The following CAMSAP2 variants were observed in gnomAD, a reference collection of about 807,000 sequenced individuals.
The protein encoded by CAMSAP2 is calmodulin-regulated spectrin-associated protein 2.
A neutral mutation model predicts 146.1 loss-of-function variants in CAMSAP2; 26 were observed. The observed-to-expected ratio is 0.18, with a 90% CI of 0.13 to 0.25. The LOEUF (loss-of-function observed/expected upper bound fraction) is 0.25. CAMSAP2 is among the 10% of genes least tolerant of loss of function. The probability of loss-of-function intolerance (pLI) is 1.00; values close to 1 mark genes in which losing one functional copy is unlikely to be tolerated. For synonymous variants in CAMSAP2, 499 were observed against 596.6 expected, an observed-to-expected ratio of 0.84 and a Z score of 2.38; for missense variants, 1,381 against 1,759.3, an observed-to-expected ratio of 0.78 and a Z score of 3.85.
Position 200,848,286 on chromosome 1 carries a change from C to A in CAMSAP2, c.1517C>A (p.Thr506Lys). 1 of 1,613,178 alleles carries A rather than the reference C, an allele frequency of 6.2e-7. No homozygotes were observed. Among genetic ancestry groups the A allele is most frequent in the Middle Eastern group, 1.7e-4 (1 of 6,054 alleles). ...SDLKSCVPLN[T>K]NELNSNENIH... ...CTCAAATCTTGTGTGCCCCTTAACA[C>A]AAATGAACTAAATTCTAATGAGAAT... is the stretch of plus-strand genomic sequence containing the variant. The change falls in exon 11 of 17, where the codon ACA becomes AAA. Residue 506 changes from threonine to lysine, a missense_variant. By Grantham distance (78) the Thr-to-Lys change is moderately conservative (BLOSUM62 -1). Coordinates refer to ENST00000358823, the MANE Select transcript of CAMSAP2 (RefSeq NM_203459.4).
Position 200,857,394 on chromosome 1 carries a change from A to G in CAMSAP2, c.4101A>G (p.Val1367=). ...ALAHCCLAGK[V]NEGQKKKILE... The stretch of plus-strand genomic sequence containing the variant: ...CTCATTGCTGTTTGGCTGGAAAAGT[A>G]AATGAAGGTCAGAAGAAAAAAATAC... Residue 1367 remains valine, a synonymous_variant, in exon 16 of 17, where the codon GTA becomes GTG. Coordinates refer to ENST00000358823, the MANE Select transcript of CAMSAP2 (RefSeq NM_203459.4). This position sits in a 1 kb window ranked among gnomAD's most constrained non-coding sequence, Gnocchi z 4.7. 10 of 1,613,370 alleles carry G rather than the reference A, an allele frequency of 6.2e-6. No individual in the cohort carries two copies. The highest frequency in any genetic ancestry group is 8.5e-6 in the Non-Finnish European group (10 of 1,179,416).
At chr1:200,852,977 A>G (rs927112276) in intron 12 of CAMSAP2, among the ~76,000 whole-genome samples, 2 of 148,716 alleles carry the variant, frequency 1.3e-5, no homozygotes, top group African/African-American at 5.0e-5. Context: ...TTTAAAAAAC[A>G]TTAAAATAAC....
chr1:200,822,695 C>G lies in CAMSAP2; in HGVS notation c.645+7051C>G, dbSNP rs535893831. Among the ~76,000 whole-genome samples, 141 of 152,300 alleles carry G rather than the reference C, an allele frequency of 9.3e-4. 2 individuals are homozygous for G. The highest frequency in any genetic ancestry group is 1.5e-3 in the Non-Finnish European group (105 of 68,028). ...CCTCAGAGGATATGTTCCAAGACCCCCAGTGCATACCTGAAACCTCAGATA... is the reference window on the plus strand; with the variant it reads ...CCTCAGAGGATATGTTCCAAGACCCGCAGTGCATACCTGAAACCTCAGATA... On this transcript the variant is annotated intron_variant, in intron 4 of 16. Transcript: ENST00000358823.
rs1667397084 is a variant in CAMSAP2 at position 200,844,070 on chromosome 1, A to G, written c.1022-712A>G. On this transcript the variant is annotated intron_variant, in intron 7 of 16. Coordinates refer to ENST00000358823, the MANE Select transcript of CAMSAP2 (RefSeq NM_203459.4). The stretch of plus-strand genomic sequence containing the variant: ...GTATTTTTAGTAGAGGTGGGGTTTC[A>G]CCATGTTAGCCAGGATGGTCTCAAT... 2.0e-5 allele frequency among the ~76,000 whole-genome samples: 3 copies of G among 151,686 alleles called. No individual in the cohort carries two copies. The South Asian group carries it at 6.3e-4, about 32-fold the overall frequency.
intron 2 of CAMSAP2, among the ~76,000 whole-genome samples, chr1:200,767,739 A>G (rs1406351094): frequency 6.6e-6 from 1 of 152,202 alleles, no homozygotes; most frequent in Non-Finnish European, 1.5e-5. Flanking sequence ...AATTAATTAC[A>G]TTCTCATAGA....
chr1:200,789,702 C>T (rs570604258), intron 2 of CAMSAP2, among the ~76,000 whole-genome samples: 3 of 152,232 alleles, frequency 2.0e-5, no homozygotes, highest in South Asian at 2.1e-4. Flanking sequence ...AAATAACTTG[C>T]TGGAATTTTT....
chr1:200,784,569 A>G (rs188456926), intron 2 of CAMSAP2, among the ~76,000 whole-genome samples: 3 of 152,364 alleles, frequency 2.0e-5, no homozygotes, highest in East Asian at 3.8e-4. Flanking sequence ...TTGCTAATAT[A>G]TAGAAATACA....
intron 2 of CAMSAP2, among the ~76,000 whole-genome samples, chr1:200,788,715 C>T (rs1446521566): frequency 6.7e-6 from 1 of 150,374 alleles, no homozygotes; most frequent in Non-Finnish European, 1.5e-5. Context: ...AATCTCGGCT[C>T]ATTGCAACCT....
chr1:200,850,007 A>T lies in CAMSAP2; in HGVS notation c.3238A>T (p.Thr1080Ser), dbSNP rs1667574252. Residue 1080 changes from threonine to serine, a missense_variant, in exon 11 of 17, where the codon ACT becomes TCT. By Grantham distance (58) the Thr-to-Ser change is moderately conservative. This residue lies in a region of CAMSAP2 where 560 missense variants were observed against 715.9 expected (regional missense o/e 0.78). Transcript: ENST00000358823. The part of the protein sequence containing the change: ...SEVLSLPVTE[T>S]VCLTPNEDQL... The stretch of plus-strand genomic sequence containing the variant: ...AGTCCTATCACTGCCTGTCACAGAG[A>T]CTGTATGTCTGACACCAAATGAGGA... 1 of 1,613,928 alleles carries T rather than the reference A, an allele frequency of 6.2e-7. No individual in the cohort carries two copies.
chr1:200,820,649 ACC>A (rs1196049312), intron 4 of CAMSAP2, among the ~76,000 whole-genome samples: 1 of 152,138 alleles, frequency 6.6e-6, no homozygotes, highest in African/African-American at 2.4e-5. Flanking sequence ...ACAAACTATA[ACC>A]CACTTTTTTC....
chr1:200,749,765 T>C (rs1488315215), intron 1 of CAMSAP2, among the ~76,000 whole-genome samples: 6 of 152,190 alleles, frequency 3.9e-5, no homozygotes, highest in Non-Finnish European at 5.9e-5. Context: ...TTTATTACAT[T>C]GAGATACAGG....
chr1:200,776,139 G>T (rs1287626422), intron 2 of CAMSAP2, among the ~76,000 whole-genome samples: 3 of 152,100 alleles, frequency 2.0e-5, no homozygotes, highest in Non-Finnish European at 2.9e-5. Context: ...TGTTTTTGGT[G>T]TTGAAAATGC....
At chr1:200,790,255 T>A (rs936472524) in intron 2 of CAMSAP2, among the ~76,000 whole-genome samples, 1 of 152,216 alleles carries the variant, frequency 6.6e-6, no homozygotes, top group Non-Finnish European at 1.5e-5. Flanking sequence ...TTAACCTAGT[T>A]TCTTCTGAGG....
intron 1 of CAMSAP2, 124 bp downstream of exon 1, chr1:200,740,090 A>G: frequency 9.6e-7 from 1 of 1,038,412 alleles, no homozygotes; most frequent in Non-Finnish European, 1.4e-6. Flanking sequence ...AAGGGAGATG[A>G]TGGGAGGCTA....
chr1:200,819,397 C>T (rs1666690360), intron 4 of CAMSAP2, among the ~76,000 whole-genome samples: 1 of 152,070 alleles, frequency 6.6e-6, no homozygotes, highest in African/African-American at 2.4e-5. Flanking sequence ...GCACAGGTGT[C>T]TTGTATTGTG....
chr1:200,780,933 A>G (rs1665412354), intron 2 of CAMSAP2, among the ~76,000 whole-genome samples: 1 of 152,230 alleles, frequency 6.6e-6, no homozygotes, highest in Admixed American at 6.5e-5. Context: ...ATTGGGGAAC[A>G]GTTACGATTA....
At chr1:200,814,609 C>CAAAAAAAAAAAAAAAAAAAAAAA (rs1204730822) in intron 3 of CAMSAP2, among the ~76,000 whole-genome samples, 1 of 24,102 alleles carries the variant, frequency 4.1e-5, no homozygotes. Context: ...GATTGCATCC[C>CAAAAAAAAAAAAAAAAAAAAAAA]AAAAAAAAAA....
Position 200,857,969 on chromosome 1 carries a change from T to A in CAMSAP2, c.4347T>A (p.Ser1449=). Reference sequence around the variant, plus strand: ...GCCACATACCCGCTAAAACTTTATCTGCCAGTGTTGATGCAATTACCATTC... The same window carrying A: ...GCCACATACCCGCTAAAACTTTATCAGCCAGTGTTGATGCAATTACCATTC... The part of the protein sequence containing the change: ...QFSHIPAKTL[S]ASVDAITIHS... The change falls in exon 17 of 17, where the codon TCT becomes TCA. Residue 1449 remains serine, a synonymous_variant. Transcript: ENST00000358823. The surrounding 1 kb of genome is among the most constrained non-coding windows in gnomAD (Gnocchi z 4.7). 1 of 1,613,882 alleles carries A rather than the reference T, an allele frequency of 6.2e-7. No individual in the cohort carries two copies. The highest frequency in any genetic ancestry group is 1.3e-5 in the African/African-American group (1 of 75,046).
chr1:200,790,497 A>G (rs1665720032), intron 2 of CAMSAP2, among the ~76,000 whole-genome samples: 2 of 152,188 alleles, frequency 1.3e-5, no homozygotes, highest in African/African-American at 4.8e-5. Context: ...TGAACCTGCA[A>G]CAATTCATCA....
Sources: allele counts gnomAD v4.1 joint callset (sites outside exome capture counted in the v4.1 genomes callset), GRCh38; gene constraint gnomAD v4.1.1; regional missense constraint gnomAD v4.1.1; non-coding constraint Gnocchi (gnomAD v3.1); transcripts MANE v1.5; gene names NCBI Gene and HGNC (gene_info 2026-07-23, HGNC 2026-07-21).